SCHIP1: variants seen among roughly 807,000 people sequenced by gnomAD.
SCHIP1 encodes schwannomin-interacting protein 1.
In SCHIP1, 8 loss-of-function variants were observed where a neutral mutation model predicts 29.7. The observed-to-expected ratio is 0.27, with a 90% CI of 0.16 to 0.49. The LOEUF (loss-of-function observed/expected upper bound fraction) is 0.49. Ranked by LOEUF, SCHIP1 falls within the 20% of genes least tolerant of loss-of-function variation. SCHIP1 has a pLI of 0.99. For synonymous variants in SCHIP1, 76 were observed against 94.9 expected (o/e 0.80, Z 1.16); for missense variants, 193 against 294.6 (o/e 0.66, Z 2.52).
the SCHIP1 span, among the ~76,000 whole-genome samples, chr3:159,484,187 A>G: frequency 6.6e-6 from 1 of 152,348 alleles, no homozygotes; most frequent in South Asian, 2.1e-4. Context: ...TGCATGTTAC[A>G]TGGTAGCTGG....
chr3:159,275,677 T>G, the SCHIP1 span, among the ~76,000 whole-genome samples: 1 of 152,312 alleles, frequency 6.6e-6, no homozygotes, highest in Middle Eastern at 3.4e-3. Context: ...GTCTATGTAT[T>G]TATTTAAGCA....
At chr3:159,569,635 G>A in the SCHIP1 span, among the ~76,000 whole-genome samples, 12 of 152,126 alleles carry the variant, frequency 7.9e-5, no homozygotes, top group Non-Finnish European at 1.5e-4. Flanking sequence ...ACATACAGGT[G>A]CATGTGTCTT....
chr3:159,488,501 A>G, the SCHIP1 span, among the ~76,000 whole-genome samples: 2 of 152,070 alleles, frequency 1.3e-5, no homozygotes, highest in African/African-American at 4.8e-5. Context: ...AAAAAGAAAT[A>G]TTGGCTGAAG....
chr3:159,779,302 G>A, the SCHIP1 span, among the ~76,000 whole-genome samples: 1 of 152,168 alleles, frequency 6.6e-6, no homozygotes, highest in African/African-American at 2.4e-5. Flanking sequence ...AATATTTGTT[G>A]ACTGATTGAA....
At chr3:159,505,882 T>C in the SCHIP1 span, among the ~76,000 whole-genome samples, 2 of 152,228 alleles carry the variant, frequency 1.3e-5, no homozygotes, top group Non-Finnish European at 2.9e-5. Flanking sequence ...TGTTGGGCAT[T>C]TGGGTTGGTT....
At chr3:159,519,540 C>G in the SCHIP1 span, among the ~76,000 whole-genome samples, 2 of 152,156 alleles carry the variant, frequency 1.3e-5, no homozygotes, top group African/African-American at 4.8e-5. Context: ...CAAACTGCTG[C>G]ACTCATTTCC....
chr3:159,738,322 A>T, the SCHIP1 span, among the ~76,000 whole-genome samples: 1 of 152,144 alleles, frequency 6.6e-6, no homozygotes, highest in South Asian at 2.1e-4. Context: ...GTTGCTCTAA[A>T]GTGGCTGGGA....
At chr3:159,383,850 A>G in the SCHIP1 span, among the ~76,000 whole-genome samples, 7 of 150,900 alleles carry the variant, frequency 4.6e-5, no homozygotes, top group Non-Finnish European at 1.0e-4. Context: ...ATTCCTAGGT[A>G]TTTTATTCTC....
intron 2 of SCHIP1, among the ~76,000 whole-genome samples, chr3:159,871,921 C>G (rs1444256508): frequency 6.6e-6 from 1 of 152,094 alleles, no homozygotes; most frequent in East Asian, 1.9e-4. Flanking sequence ...TTAAATCAAT[C>G]TTTGTGTTCG....
chr3:159,644,165 T>A, the SCHIP1 span, among the ~76,000 whole-genome samples: 1 of 152,120 alleles, frequency 6.6e-6, no homozygotes, highest in Non-Finnish European at 1.5e-5. Flanking sequence ...TAATAGAGAA[T>A]TCGTTAAATA....
At chr3:159,561,993 G>A in the SCHIP1 span, among the ~76,000 whole-genome samples, 2 of 152,146 alleles carry the variant, frequency 1.3e-5, no homozygotes, top group African/African-American at 4.8e-5. Flanking sequence ...CAAACCACAT[G>A]TGCATCAAAT....
chr3:159,808,553 A>G, the SCHIP1 span: 2 of 152,250 alleles, frequency 1.3e-5, no homozygotes, highest in African/African-American at 4.8e-5. Context: ...GATCTCAGAC[A>G]AAAGGTCAAG....
chr3:159,689,658 G>A, the SCHIP1 span, among the ~76,000 whole-genome samples: 4,473 of 152,264 alleles, frequency 0.029, 95 homozygotes, highest in African/African-American at 0.053. Context: ...GTGAGAGAGG[G>A]CATCCTTGTC....
chr3:159,384,269 T>C, the SCHIP1 span, among the ~76,000 whole-genome samples: 1 of 151,532 alleles, frequency 6.6e-6, no homozygotes, highest in African/African-American at 2.4e-5. Context: ...TCTTATTATT[T>C]TGAGATACGT....
At chr3:159,699,723 G>A in the SCHIP1 span, among the ~76,000 whole-genome samples, 1 of 152,144 alleles carries the variant, frequency 6.6e-6, no homozygotes, top group Non-Finnish European at 1.5e-5. Context: ...ACTAAGATGA[G>A]GTATGACAGG....
At chr3:159,885,279 T>A (rs1018247407) in intron 2 of SCHIP1, among the ~76,000 whole-genome samples, 1 of 152,182 alleles carries the variant, frequency 6.6e-6, no homozygotes, top group Non-Finnish European at 1.5e-5. Context: ...CCTTTTGCCT[T>A]TTCTTTCCCT....
At chr3:159,828,440 C>CGTATATATATACGTATATATAT in the SCHIP1 span, among the ~76,000 whole-genome samples, 1 of 47,594 alleles carries the variant, frequency 2.1e-5, no homozygotes, top group African/African-American at 9.4e-5. Flanking sequence ...CGTATATATA[C>CGTATATATATACGTATATATAT]GTATATATAT....
chr3:159,396,962 C>T, the SCHIP1 span, among the ~76,000 whole-genome samples: 1 of 142,486 alleles, frequency 7.0e-6, no homozygotes, highest in Non-Finnish European at 1.6e-5. Context: ...GTACAGCAAT[C>T]AGACGTAGAT....
the SCHIP1 span, among the ~76,000 whole-genome samples, chr3:159,607,454 AAAG>A: frequency 6.6e-6 from 1 of 152,206 alleles, no homozygotes; most frequent in Non-Finnish European, 1.5e-5. Context: ...AGGGAGGGAT[AAAG>A]AAGACATTCA....
Sources: allele counts gnomAD v4.1 joint callset (sites outside exome capture counted in the v4.1 genomes callset), GRCh38; gene constraint gnomAD v4.1.1; transcripts MANE v1.5; gene names NCBI Gene and HGNC (gene_info 2026-07-23, HGNC 2026-07-21).